C5orf15: variants seen among roughly 807,000 people sequenced by gnomAD.
The protein encoded by C5orf15 is keratinocyte-associated transmembrane protein 2.
Under a neutral mutation model 17.8 loss-of-function variants are expected in C5orf15, and 10 were observed. The ratio of observed to expected loss-of-function variants is 0.56; its 90% CI spans 0.35 to 0.95. The LOEUF is 0.95. C5orf15 is among the 40% of genes least tolerant of loss of function. The probability of loss-of-function intolerance (pLI) is 0.02; values close to 1 mark genes in which losing one functional copy is unlikely to be tolerated. For missense variants in C5orf15, 319 were observed against 331.7 expected, an observed-to-expected ratio of 0.96 and a Z score of 0.30; for synonymous variants, 124 against 131.0, an observed-to-expected ratio of 0.95 and a Z score of 0.36.
chr5:133,962,898 A>G (rs752577079), intron 1 of C5orf15, among the ~76,000 whole-genome samples: 9 of 152,106 alleles, frequency 5.9e-5, no homozygotes, highest in Admixed American at 6.5e-5. Context: ...TGTGTCAGCT[A>G]TTATAATTGC....
At chr5:133,964,190 C>G (rs1219412326) in intron 1 of C5orf15, among the ~76,000 whole-genome samples, 2 of 152,086 alleles carry the variant, frequency 1.3e-5, no homozygotes, top group Admixed American at 6.5e-5. Flanking sequence ...GCACTCCAGC[C>G]TGGAGTGCAA....
chr5:133,961,620 C>A (rs901274043), intron 1 of C5orf15, among the ~76,000 whole-genome samples: 1 of 147,536 alleles, frequency 6.8e-6, no homozygotes, highest in East Asian at 2.0e-4. Context: ...GGGTCTCACT[C>A]TGTTGCCCAG....
chr5:133,958,997 T>A (rs1367472077), intron 2 of C5orf15, among the ~76,000 whole-genome samples: 1 of 152,150 alleles, frequency 6.6e-6, no homozygotes. Context: ...GTCTGCAGTG[T>A]GTTAAAATAC....
chr5:133,966,505 A>AT (rs905454057), intron 1 of C5orf15, among the ~76,000 whole-genome samples: 3 of 152,222 alleles, frequency 2.0e-5, no homozygotes, highest in African/African-American at 7.2e-5. Flanking sequence ...GCTTATGTTA[A>AT]TTTTTTAGAC....
At chr5:133,958,168 G>C (rs982376089) in intron 2 of C5orf15, among the ~76,000 whole-genome samples, 5 of 152,024 alleles carry the variant, frequency 3.3e-5, no homozygotes, top group African/African-American at 1.2e-4. Context: ...AGGATTACTT[G>C]AGGCCAGGAG....
At chr5:133,957,414 T>C (rs1561573796) in intron 2 of C5orf15, among the ~76,000 whole-genome samples, 1 of 151,990 alleles carries the variant, frequency 6.6e-6, no homozygotes. Flanking sequence ...TAAAGAAGGC[T>C]AAACAGTGCT....
chr5:133,958,672 T>C (rs1208939452), intron 2 of C5orf15, among the ~76,000 whole-genome samples: 2 of 151,044 alleles, frequency 1.3e-5, no homozygotes, highest in African/African-American at 4.9e-5. Flanking sequence ...TGCACATTTA[T>C]AGACCAGAAA....
chr5:133,961,598 T>C (rs111686685), intron 1 of C5orf15, among the ~76,000 whole-genome samples: 3,053 of 151,558 alleles, frequency 0.02, 52 homozygotes, highest in Non-Finnish European at 0.035. Flanking sequence ...TTTCCCTTTT[T>C]TTTTTTTGAC....
intron 1 of C5orf15, among the ~76,000 whole-genome samples, chr5:133,963,928 G>C (rs927889504): frequency 2.1e-4 from 32 of 152,126 alleles, no homozygotes; most frequent in Non-Finnish European, 5.9e-5. Context: ...GCAATTTAAA[G>C]GAACAAACAA....
chr5:133,968,320 G>C, intron 1 of C5orf15, 126 bp downstream of exon 1: 1 of 1,328,350 alleles, frequency 7.5e-7, no homozygotes, highest in Non-Finnish European at 1.0e-6. Context: ...CGGAGACCCT[G>C]ACCCAACCAG....
At position 133,956,203 on chromosome 5, in the gene C5orf15, G is replaced by A. The variant is rs1039585131; in HGVS notation, c.*656C>T. 3.3e-5 allele frequency: 5 copies of A among 152,544 alleles called. No homozygotes were observed. The highest frequency in any genetic ancestry group is 7.4e-5 in the Non-Finnish European group (5 of 68,024). 9.4% of individuals were successfully genotyped at this position (152,544 alleles called of 1,614,324 possible). A position where few individuals can be genotyped will look rare whatever the true frequency, so the allele number is the denominator to read the frequency against. ...AGTTTCTGCTTCTAAATTTAATATA[G>A]TAATTCCAACCAAAAAAATAGTATC... On this transcript the variant is annotated 3_prime_UTR_variant, in exon 3 of 3. Coordinates refer to ENST00000231512, the MANE Select transcript of C5orf15 (RefSeq NM_020199.3).
intron 2 of C5orf15, among the ~76,000 whole-genome samples, chr5:133,957,326 A>G (rs1466377635): frequency 6.6e-6 from 1 of 151,284 alleles, no homozygotes; most frequent in Non-Finnish European, 1.5e-5. Context: ...CAGCACCACA[A>G]CACTTCAGCC....
At chr5:133,961,232 T>TAAAAAAAAAAAA (rs56684565) in intron 1 of C5orf15, among the ~76,000 whole-genome samples, 2 of 30,440 alleles carry the variant, frequency 6.6e-5, no homozygotes, top group African/African-American at 1.5e-4. Flanking sequence ...AGTCAGTTAG[T>TAAAAAAAAAAAA]AAAAAAAAAA....
chr5:133,959,999 G>C lies in C5orf15; in HGVS notation c.161C>G (p.Pro54Arg). 1 of 1,608,850 alleles carries C rather than the reference G, an allele frequency of 6.2e-7. No homozygotes were observed. The highest frequency in any genetic ancestry group is 8.5e-7 in the Non-Finnish European group (1 of 1,175,922). Residue 54 changes from proline to arginine, a missense_variant, in exon 2 of 3, where the codon CCG becomes CGG. This residue lies in a region of C5orf15 where 127 missense variants were observed against 95.6 expected (regional missense o/e 1.33). Transcript: ENST00000231512. ...ATGTGAGTTGAGTACGGTTGGGCTCGGTGAATCAGTCCGTGATACAACTGA... is the reference window on the plus strand; with the variant it reads ...ATGTGAGTTGAGTACGGTTGGGCTCCGTGAATCAGTCCGTGATACAACTGA... ...LSSVVSRTDS[P>R]SPTVLNSHIS...
chr5:133,955,648 C>T lies in C5orf15; in HGVS notation c.*1211G>A, dbSNP rs941289717. 2 of 152,590 alleles carry T rather than the reference C, an allele frequency of 1.3e-5. No individual in the cohort carries two copies. The highest frequency in any genetic ancestry group is 2.9e-5 in the Non-Finnish European group (2 of 68,044). 9.5% of individuals were successfully genotyped at this position (152,590 alleles called of 1,614,324 possible). ...GCTTCCCTTCCCTATTAGGAAAGTA[C>T]ACTGTCCGCCCAAGAGACAGGATGG... is the stretch of plus-strand genomic sequence containing the variant. On this transcript the variant is annotated 3_prime_UTR_variant, in exon 3 of 3. Transcript: ENST00000231512.
chr5:133,961,283 C>T (rs75207905), intron 1 of C5orf15, among the ~76,000 whole-genome samples: 3 of 142,600 alleles, frequency 2.1e-5, no homozygotes, highest in Non-Finnish European at 3.0e-5. Context: ...CTGTGGCTCA[C>T]GCCTGTAATC....
chr5:133,956,850 C>A lies in C5orf15; in HGVS notation c.*9G>T. The A allele has an allele frequency of 1.3e-6, 2 of 1,577,870 alleles. No homozygotes were observed. The highest frequency in any genetic ancestry group is 2.4e-5 in the South Asian group (2 of 83,034). On this transcript the variant is annotated 3_prime_UTR_variant, in exon 3 of 3. Transcript: ENST00000231512. ...TAAAATTACATAAGCAAATTCAAAT[C>A]ACAGTGCTTTAAAAAATATAATCAT...
chr5:133,962,326 CTCCCTTAAGGACACATTT>C (rs1752135898), intron 1 of C5orf15, among the ~76,000 whole-genome samples: 1 of 152,188 alleles, frequency 6.6e-6, no homozygotes, highest in African/African-American at 2.4e-5. Context: ...AAACCTGACT[CTCCCTTAAGGACACATTT>C]TCCTTTCAGC....
rs1166600841 is a variant in C5orf15 at position 133,959,609 on chromosome 5, G to C, written c.551C>G (p.Ser184Cys). 12 of 1,612,428 alleles carry C rather than the reference G, an allele frequency of 7.4e-6. No individual in the cohort carries two copies. The highest frequency in any genetic ancestry group is 1.0e-5 in the Non-Finnish European group (12 of 1,179,600). Residue 184 changes from serine to cysteine, a missense_variant, in exon 2 of 3, where the codon TCT becomes TGT. This residue lies in a region of C5orf15 where 175 missense variants were observed against 192.4 expected (regional missense o/e 0.91). Coordinates refer to ENST00000231512, the MANE Select transcript of C5orf15 (RefSeq NM_020199.3). ...GYMEIEQSVKSFKMPSSNIEE... is the reference protein window; with the variant it reads ...GYMEIEQSVKCFKMPSSNIEE... The stretch of plus-strand genomic sequence containing the variant: ...TATATTTGAGGATGGCATCTTAAAA[G>C]ATTTCACTGACTGTTCAATTTCCAT...
Sources: allele counts gnomAD v4.1 joint callset (sites outside exome capture counted in the v4.1 genomes callset), GRCh38; gene constraint gnomAD v4.1.1; regional missense constraint gnomAD v4.1.1; transcripts MANE v1.5; gene names NCBI Gene and HGNC (gene_info 2026-07-23, HGNC 2026-07-21).